BLNK: variants seen among roughly 807,000 people sequenced by gnomAD.
BLNK encodes the protein B cell linker.
BLNK carries 29 observed loss-of-function variants against 73.5 expected under a neutral mutation model. The observed-to-expected ratio is 0.39, with a 90% CI of 0.29 to 0.54. BLNK has a LOEUF of 0.54. Ranked by LOEUF, BLNK falls within the 20% of genes least tolerant of loss-of-function variation. BLNK has a pLI of 0.61. For synonymous variants in BLNK, 176 were observed against 200.8 expected, an observed-to-expected ratio of 0.88 and a Z score of 1.04; for missense variants, 460 against 562.8, an observed-to-expected ratio of 0.82 and a Z score of 1.85.
intron 1 of BLNK, among the ~76,000 whole-genome samples, chr10:96,247,268 C>T (rs1843080557): frequency 6.6e-6 from 1 of 152,154 alleles, no homozygotes; most frequent in Non-Finnish European, 1.5e-5. Flanking sequence ...TGGGCTGTGT[C>T]CCCTTCCGTT....
At chr10:96,213,170 C>T (rs1554899047) in intron 8 of BLNK, among the ~76,000 whole-genome samples, 1 of 152,236 alleles carries the variant, frequency 6.6e-6, no homozygotes, top group Non-Finnish European at 1.5e-5. Context: ...GACCCCTCCA[C>T]AGTCTCGGCA....
intron 1 of BLNK, among the ~76,000 whole-genome samples, chr10:96,261,195 C>T (rs966903185): frequency 6.6e-6 from 1 of 152,118 alleles, no homozygotes; most frequent in East Asian, 1.9e-4. Flanking sequence ...CCCCAAAATA[C>T]ACTCATTTAT....
At chr10:96,220,679 T>C (rs7076978) in intron 6 of BLNK, among the ~76,000 whole-genome samples, 24,651 of 152,026 alleles carry the variant, frequency 0.16, 2,842 homozygotes, top group East Asian at 0.44. Flanking sequence ...TTGACTTCAG[T>C]GAATCAGTGA....
At chr10:96,208,656 A>G (rs1369891170) in intron 9 of BLNK, among the ~76,000 whole-genome samples, 1 of 152,144 alleles carries the variant, frequency 6.6e-6, no homozygotes, top group African/African-American at 2.4e-5. Context: ...CTGTGTGTTA[A>G]ATTTCTTAAT....
At chr10:96,207,146 C>A in intron 10 of BLNK, 93 bp from the exon 11 acceptor site, 1 of 1,259,010 alleles carries the variant, frequency 7.9e-7, no homozygotes, top group Non-Finnish European at 1.2e-6. Flanking sequence ...ATTTTGGCAG[C>A]ACTTTTCTTT....
At chr10:96,268,292 G>A (rs1554914745) in intron 1 of BLNK, among the ~76,000 whole-genome samples, 1 of 152,196 alleles carries the variant, frequency 6.6e-6, no homozygotes, top group African/African-American at 2.4e-5. Flanking sequence ...AGTGATTCAG[G>A]ATTGTAAATT....
chr10:96,252,209 G>A (rs1038642972), intron 1 of BLNK, among the ~76,000 whole-genome samples: 3 of 152,006 alleles, frequency 2.0e-5, no homozygotes, highest in Admixed American at 6.6e-5. Flanking sequence ...CTGCCACCAT[G>A]CCGGGCTAAT....
In BLNK at chr10:96,189,347, T is replaced by C. The variant is rs782757677; in HGVS notation, c.*2626A>G. 14 of 553,120 alleles carry C rather than the reference T, an allele frequency of 2.5e-5. No homozygotes were observed. Among genetic ancestry groups the C allele is most frequent in the Non-Finnish European group, 4.8e-5 (14 of 291,096 alleles). 34.3% of individuals were successfully genotyped at this position (553,120 alleles called of 1,614,324 possible). A position where few individuals can be genotyped will look rare whatever the true frequency, so the allele number is the denominator to read the frequency against. ...AAGATGGAAAAATGTTAACAAATTG[T>C]TTAAACTATTTTCTAAAGAGACTTC... On this transcript the variant is annotated 3_prime_UTR_variant, in exon 17 of 17. Coordinates refer to ENST00000224337, the MANE Select transcript of BLNK (RefSeq NM_013314.4).
Position 96,189,723 on chromosome 10 carries a change from A to T in BLNK, c.*2250T>A. 4.2e-6 allele frequency: 3 copies of T among 721,956 alleles called. No individual in the cohort carries two copies. Among genetic ancestry groups the T allele is most frequent in the Non-Finnish European group, 7.6e-6 (3 of 393,378 alleles). The allele number at this position is 721,956 out of a possible 1,614,324, so 44.7% of individuals were successfully genotyped here. A position where few individuals can be genotyped will look rare whatever the true frequency, so the allele number is the denominator to read the frequency against. ...AATCATCATCATCATCATCATCATC[A>T]TCATCATCATCTTCATCAGCAGCAA... On this transcript the variant is annotated 3_prime_UTR_variant, in exon 17 of 17. Coordinates refer to ENST00000224337, the MANE Select transcript of BLNK (RefSeq NM_013314.4).
At chr10:96,207,805 T>A in intron 10 of BLNK, 67 bp downstream of exon 10, 1 of 1,584,198 alleles carries the variant, frequency 6.3e-7, no homozygotes, top group South Asian at 1.1e-5. Flanking sequence ...TTTTCAACTT[T>A]AAATAAATGG....
intron 3 of BLNK, among the ~76,000 whole-genome samples, chr10:96,233,508 C>T (rs191521676): frequency 0.014 from 1,782 of 131,472 alleles, 40 homozygotes; most frequent in African/African-American, 0.042. Flanking sequence ...GTCCCACCAC[C>T]GACTTCTTGC....
chr10:96,234,607 A>G (rs1208920830), intron 3 of BLNK, among the ~76,000 whole-genome samples: 1 of 152,236 alleles, frequency 6.6e-6, no homozygotes, highest in African/African-American at 2.4e-5. Context: ...CAGTGCCTGT[A>G]TCATATTTTT....
At chr10:96,194,425 A>G (rs137881916) in intron 16 of BLNK, among the ~76,000 whole-genome samples, 135 of 152,322 alleles carry the variant, frequency 8.9e-4, no homozygotes, top group African/African-American at 3.0e-3. Flanking sequence ...GGGAAACACC[A>G]TGACACTGGA....
At chr10:96,238,502 C>A (rs919500116) in intron 3 of BLNK, among the ~76,000 whole-genome samples, 14 of 152,140 alleles carry the variant, frequency 9.2e-5, no homozygotes, top group South Asian at 4.1e-4. Context: ...TGGGCTCTGG[C>A]CTCCACACAC....
intron 8 of BLNK, among the ~76,000 whole-genome samples, chr10:96,214,319 T>C (rs11188665): frequency 0.01 from 1,583 of 152,122 alleles, 27 homozygotes; most frequent in African/African-American, 0.035. Flanking sequence ...TGCCAAAACC[T>C]ATAGGAGCAA....
At chr10:96,198,423 C>T (rs1367352160) in intron 15 of BLNK, among the ~76,000 whole-genome samples, 1 of 152,174 alleles carries the variant, frequency 6.6e-6, no homozygotes, top group Non-Finnish European at 1.5e-5. Context: ...GGGCTTCTGT[C>T]TACTTGAGAA....
chr10:96,260,781 T>C lies in BLNK; in HGVS notation c.47+10571A>G, dbSNP rs75524259. Among the ~76,000 whole-genome samples, 495 of 152,304 alleles carry C rather than the reference T, an allele frequency of 3.3e-3. 7 individuals carry two copies. Among genetic ancestry groups the C allele is most frequent in the African/African-American group, 0.011 (475 of 41,576 alleles). On this transcript the variant is annotated intron_variant, in intron 1 of 16. Transcript: ENST00000224337. Reference sequence around the variant, plus strand: ...GGGGTAGGGGTGAAAGGAAGCATTGTAATTCATTAAAAGCATCTACAAATG... The same window carrying C: ...GGGGTAGGGGTGAAAGGAAGCATTGCAATTCATTAAAAGCATCTACAAATG...
At chr10:96,241,725 CT>C (rs1842885568) in intron 3 of BLNK, among the ~76,000 whole-genome samples, 1 of 128,046 alleles carries the variant, frequency 7.8e-6, no homozygotes, top group Admixed American at 9.3e-5. Context: ...AATTACTTTT[CT>C]TTTCTTTCTT....
chr10:96,190,011 A>T lies in BLNK; in HGVS notation c.*1962T>A. 2.5e-6 allele frequency: 2 copies of T among 809,100 alleles called. No individual in the cohort carries two copies. Among genetic ancestry groups the T allele is most frequent in the Non-Finnish European group, 2.2e-6 (1 of 460,658 alleles). 50.1% of individuals were successfully genotyped at this position (809,100 alleles called of 1,614,324 possible). A position where few individuals can be genotyped will look rare whatever the true frequency, so the allele number is the denominator to read the frequency against. On this transcript the variant is annotated 3_prime_UTR_variant, in exon 17 of 17. Transcript: ENST00000224337. Reference sequence around the variant, plus strand: ...AAAGGTGCCAGTGTTATTTAATTGGACTGCCTTCATAATTCATTGCCTCTG... The same window carrying T: ...AAAGGTGCCAGTGTTATTTAATTGGTCTGCCTTCATAATTCATTGCCTCTG...
Sources: allele counts gnomAD v4.1 joint callset (sites outside exome capture counted in the v4.1 genomes callset), GRCh38; gene constraint gnomAD v4.1.1; transcripts MANE v1.5; gene names NCBI Gene and HGNC (gene_info 2026-07-23, HGNC 2026-07-21).